Variants in PDXDC1 observed in about 807,000 individuals in gnomAD.
The protein encoded by PDXDC1 is pyridoxal-dependent decarboxylase domain-containing protein 1.
PDXDC1 carries 42 observed loss-of-function variants against 100.1 expected under a neutral mutation model. The observed-to-expected ratio is 0.42, with a 90% confidence interval of 0.33 to 0.54. The LOEUF (loss-of-function observed/expected upper bound fraction) is 0.54, where lower values mean the gene tolerates loss of function less well. PDXDC1 is among the 20% of genes least tolerant of loss of function. PDXDC1 has a pLI of 0.10. For missense variants in PDXDC1, 636 were observed against 979.2 expected (o/e 0.65, Z 4.68); for synonymous variants, 260 against 371.7 (o/e 0.70, Z 3.46).
upstream of PDXDC1, chr16:14,975,007 CG>C (rs1241345960): frequency 6.5e-7 from 1 of 1,534,878 alleles, no homozygotes; most frequent in African/African-American, 1.4e-5. Context: ...CCCAGCGCTA[CG>C]GGGCCCCGCC....
At chr16:15,041,252 A>C, downstream of PDXDC1, 1 of 697,956 alleles carries the variant, frequency 1.4e-6, no homozygotes, top group Non-Finnish European at 2.5e-6. Context: ...AATGAAAGGG[A>C]TTGTGGCCCT....
the PDXDC1 span, among the ~76,000 whole-genome samples, chr16:15,146,499 C>T: frequency 6.8e-3 from 1,035 of 152,204 alleles, 7 homozygotes; most frequent in African/African-American, 0.023. Context: ...CACACCAGAA[C>T]GCGTCAAAAG....
intron 1 of PDXDC1, 55 bp downstream of exon 1, chr16:14,975,275 C>T: frequency 1.4e-6 from 2 of 1,380,970 alleles, no homozygotes; most frequent in Non-Finnish European, 1.9e-6. Context: ...GCTCCCGCTT[C>T]CGAGGCAACT....
intron 16 of PDXDC1, chr16:15,091,246 C>T: frequency 6.3e-7 from 1 of 1,584,228 alleles, no homozygotes; most frequent in Non-Finnish European, 8.6e-7. Context: ...AGAATGGGAC[C>T]CAAAGAGCAA....
chr16:15,135,781 C>G, intron 16 of PDXDC1: 1 of 1,591,624 alleles, frequency 6.3e-7, no homozygotes. Flanking sequence ...ATGAGCCACC[C>G]TCAGTGATGG....
chr16:14,982,821 A>G (rs1174659194), intron 1 of PDXDC1, among the ~76,000 whole-genome samples: 2 of 152,266 alleles, frequency 1.3e-5, no homozygotes, highest in African/African-American at 2.4e-5. Context: ...CTAGTGCTAG[A>G]CAGCAGGCAC....
chr16:15,007,644 C>T (rs1435778028), intron 6 of PDXDC1, among the ~76,000 whole-genome samples: 1 of 152,270 alleles, frequency 6.6e-6, no homozygotes, highest in African/African-American at 2.4e-5. Context: ...ATGGGAGACA[C>T]TTAGTGACTT....
At chr16:15,148,892 AG>A in the PDXDC1 span, among the ~76,000 whole-genome samples, 1 of 152,110 alleles carries the variant, frequency 6.6e-6, no homozygotes, top group Non-Finnish European at 1.5e-5. Flanking sequence ...AATCGCGTAC[AG>A]GAGTGAGCGT....
chr16:15,022,563 G>T (rs142136739), intron 12 of PDXDC1, 141 bp from the exon 13 acceptor site: 1 of 627,772 alleles, frequency 1.6e-6, no homozygotes, highest in African/African-American at 1.9e-5. Flanking sequence ...ACAAAAACAG[G>T]TGGCTGAACT....
At chr16:15,032,385 C>CT (rs2043117732) in intron 17 of PDXDC1, 1 of 170,516 alleles carries the variant, frequency 5.9e-6, no homozygotes, top group Non-Finnish European at 1.3e-5. Context: ...GGCACGGTGG[C>CT]TCATGCCTGT....
Position 15,038,074 on chromosome 16 carries a change from TTTTTTTTGTAG to T in PDXDC1, c.*1800_*1810del. The T allele has an allele frequency of 6.2e-7, 1 of 1,600,022 alleles. No individual in the cohort carries two copies. The highest frequency in any genetic ancestry group is 1.1e-5 in the South Asian group (1 of 89,676). ...GATCTTTTCCCACAAGCCATCTTCA[TTTTTTTTGTAG>T]AGTAGGGCTTTATTTCCAGAAAACA... On this transcript the variant is annotated 3_prime_UTR_variant, in exon 23 of 23. Transcript: ENST00000396410.
At chr16:14,993,391 T>C (rs1288586525) in intron 1 of PDXDC1, among the ~76,000 whole-genome samples, 1 of 151,366 alleles carries the variant, frequency 6.6e-6, no homozygotes, top group Non-Finnish European at 1.5e-5. Context: ...GAACACGCGG[T>C]GTTTGGTGTT....
At chr16:15,104,298 T>A in intron 16 of PDXDC1, 1 of 1,486,744 alleles carries the variant, frequency 6.7e-7, no homozygotes, top group African/African-American at 1.4e-5. Context: ...AGCAATAACA[T>A]AAGGACTGCA....
the PDXDC1 span, among the ~76,000 whole-genome samples, chr16:15,146,157 G>C: frequency 4.6e-5 from 7 of 152,342 alleles, no homozygotes; most frequent in South Asian, 8.3e-4. Flanking sequence ...ACGTGGGCCA[G>C]GATGGCAGAG....
chr16:15,131,547 C>G, intron 16 of PDXDC1: 1 of 1,609,668 alleles, frequency 6.2e-7, no homozygotes, highest in Non-Finnish European at 8.5e-7. Flanking sequence ...CCGCCAGTGT[C>G]AGGGGCTCCT....
At chr16:15,106,695 C>T (rs1030458653) in intron 16 of PDXDC1, among the ~76,000 whole-genome samples, 1 of 139,320 alleles carries the variant, frequency 7.2e-6, no homozygotes, top group African/African-American at 2.5e-5. Flanking sequence ...GCGGAGGTTG[C>T]AGTGAGCCAA....
At chr16:15,142,895 A>C (rs1381047351), downstream of PDXDC1, among the ~76,000 whole-genome samples, 2 of 151,952 alleles carry the variant, frequency 1.3e-5, no homozygotes, top group South Asian at 2.1e-4. Context: ...CCCTAAGCCC[A>C]GGCAAGAGCA....
chr16:14,979,148 T>TA (rs1967369755), intron 1 of PDXDC1, among the ~76,000 whole-genome samples: 2 of 152,284 alleles, frequency 1.3e-5, no homozygotes, highest in South Asian at 4.1e-4. Context: ...AAACACAATT[T>TA]AAAATTCATT....
At chr16:15,104,243 A>T in intron 16 of PDXDC1, 1 of 1,283,456 alleles carries the variant, frequency 7.8e-7, no homozygotes, top group Non-Finnish European at 1.0e-6. Context: ...CCCTACGATT[A>T]AAAACCTCAG....
Sources: gnomAD v4.1 joint callset for allele counts (sites outside exome capture counted in the v4.1 genomes callset) on GRCh38, gnomAD v4.1.1 for gene constraint, MANE v1.5 for transcripts, NCBI Gene and HGNC (gene_info 2026-07-23, HGNC 2026-07-21) for gene names.